Variants in AGBL4 observed in about 807,000 individuals in gnomAD.
The protein encoded by AGBL4 is cytosolic carboxypeptidase 6.
In AGBL4, 58 loss-of-function variants were observed where a neutral mutation model predicts 66.4. The observed-to-expected ratio is 0.87, with a 90% CI of 0.71 to 1.09. AGBL4 has a LOEUF of 1.09. AGBL4 is among the 50% of genes least tolerant of loss of function. The pLI, the probability that AGBL4 is intolerant of heterozygous loss-of-function variation, is 0.00. For missense variants in AGBL4, 579 were observed against 631.0 expected (o/e 0.92, Z 0.88); for synonymous variants, 234 against 222.9 (o/e 1.05, Z -0.44).
intron 3 of AGBL4, among the ~76,000 whole-genome samples, chr1:49,573,168 G>C (rs1180207579): frequency 6.6e-6 from 1 of 151,432 alleles, no homozygotes; most frequent in African/African-American, 2.4e-5. Flanking sequence ...GTGTGTGTGT[G>C]TGTGTGTGTG....
chr1:49,513,893 A>C (rs1324933346), intron 3 of AGBL4, among the ~76,000 whole-genome samples: 1 of 151,978 alleles, frequency 6.6e-6, no homozygotes, highest in African/African-American at 2.4e-5. Flanking sequence ...CAGGGTTGCT[A>C]TATACAGTTA....
chr1:49,758,031 C>T (rs1207393222), intron 2 of AGBL4, among the ~76,000 whole-genome samples: 1 of 152,142 alleles, frequency 6.6e-6, no homozygotes, highest in Non-Finnish European at 1.5e-5. Flanking sequence ...ATCCCCAGCT[C>T]TGTACAGCCT....
chr1:48,987,014 C>T (rs755686494), intron 5 of AGBL4, among the ~76,000 whole-genome samples: 2 of 151,764 alleles, frequency 1.3e-5, no homozygotes, highest in Non-Finnish European at 1.5e-5. Context: ...AACTCTTATA[C>T]AGCTAGTATC....
chr1:49,572,010 A>G lies in AGBL4; in HGVS notation c.282+125303T>C, dbSNP rs558632126. ...ATTTTTGTGTCTATGTTGATCTAGA[A>G]TATTAATCTACAGTTTTCTTTTTAT... On this transcript the variant is annotated intron_variant, in intron 3 of 13. Coordinates refer to ENST00000371839, the MANE Select transcript of AGBL4 (RefSeq NM_032785.4). 7.2e-5 allele frequency among the ~76,000 whole-genome samples: 11 copies of G among 152,260 alleles called. No individual in the cohort carries two copies. In the East Asian group the frequency reaches 1.9e-3, roughly 27 times the overall value.
chr1:49,338,122 A>G (rs944219133), intron 3 of AGBL4, among the ~76,000 whole-genome samples: 14 of 152,252 alleles, frequency 9.2e-5, no homozygotes, highest in Non-Finnish European at 1.5e-4. Context: ...CTGTCTTTAA[A>G]AAGCTTAGAG....
intron 4 of AGBL4, among the ~76,000 whole-genome samples, chr1:49,174,304 A>T (rs1646792584): frequency 6.6e-6 from 1 of 152,148 alleles, no homozygotes; most frequent in African/African-American, 2.4e-5. Flanking sequence ...TCAGGAGAAA[A>T]GATAGCCTTA....
chr1:49,604,174 C>A (rs1645020892), intron 3 of AGBL4, among the ~76,000 whole-genome samples: 2 of 152,194 alleles, frequency 1.3e-5, no homozygotes, highest in South Asian at 4.1e-4. Flanking sequence ...AGAGGCTGTA[C>A]TAATTTACAC....
chr1:48,887,090 G>A (rs1162244854), intron 5 of AGBL4, among the ~76,000 whole-genome samples: 2 of 152,180 alleles, frequency 1.3e-5, no homozygotes, highest in Non-Finnish European at 2.9e-5. Flanking sequence ...ATTTCTCAAG[G>A]TGGAGAAAGG....
chr1:49,014,708 C>T (rs534940646), intron 5 of AGBL4, among the ~76,000 whole-genome samples: 2 of 152,326 alleles, frequency 1.3e-5, no homozygotes, highest in South Asian at 4.1e-4. Context: ...AGCCCACATG[C>T]AGTCCCACCC....
rs1160985800 is a variant in AGBL4 at position 48,736,700 on chromosome 1, T to C, written c.635-73459A>G. On this transcript the variant is annotated intron_variant, in intron 6 of 13. Transcript: ENST00000371839. The surrounding 1 kb of genome is among the most constrained non-coding windows in gnomAD (Gnocchi z 4.0). ...TGGCAATTGTGGATAGAAGGCATTA[T>C]AACACCATTTTCCTTTCAGATGGAA... 6.6e-6 allele frequency among the ~76,000 whole-genome samples: 1 copy of C among 152,204 alleles called. No homozygotes were observed. Among genetic ancestry groups the C allele is most frequent in the African/African-American group, 2.4e-5 (1 of 41,446 alleles).
rs1321404802 is a variant in AGBL4, at chr1:49,851,462, G to A, written c.91C>T (p.Leu31Phe). ...GGCTGTCCACAATAGCCAGTTGGAA[G>A]CACTATATATTTGCTCACATTCCCT... ...IGGNVSKYIVLPTGYCGQPKK... is the reference protein window; with the variant it reads ...IGGNVSKYIVFPTGYCGQPKK... The change falls in exon 2 of 14, where the codon CTT becomes TTT. Residue 31 changes from leucine to phenylalanine, a missense_variant. Leu to Phe is a conservative substitution (Grantham distance 22, BLOSUM62 0). Transcript: ENST00000371839. 1 of 1,550,182 alleles carries A rather than the reference G, an allele frequency of 6.5e-7. No homozygotes were observed. Among genetic ancestry groups the A allele is most frequent in the Admixed American group, 2.0e-5 (1 of 50,868 alleles).
At chr1:48,798,992 T>A (rs1645752255) in intron 6 of AGBL4, among the ~76,000 whole-genome samples, 1 of 152,216 alleles carries the variant, frequency 6.6e-6, no homozygotes, top group African/African-American at 2.4e-5. Context: ...TTGCTTTGAC[T>A]ACGCAGGCTC....
chr1:49,598,734 T>C (rs559332300), intron 3 of AGBL4, among the ~76,000 whole-genome samples: 1 of 152,288 alleles, frequency 6.6e-6, no homozygotes, highest in Non-Finnish European at 1.5e-5. Flanking sequence ...GGAGAACCAC[T>C]GCTCTCTTCA....
rs1337654828 is a variant in AGBL4, at chr1:49,748,793, C to T, written c.158-51356G>A. Among the ~76,000 whole-genome samples the T allele has an allele frequency of 2.6e-5, 4 of 152,164 alleles. No individual in the cohort carries two copies. The East Asian group carries it at 5.8e-4, about 22-fold the overall frequency. On this transcript the variant is annotated intron_variant, in intron 2 of 13. Transcript: ENST00000371839. ...CTTTTTTTCACATGTTTGTTGGCTG[C>T]ATAAATGTCTTCTTTTGAGAAGTGT...
At chr1:49,733,489 G>A (rs536895783) in intron 2 of AGBL4, among the ~76,000 whole-genome samples, 1 of 152,288 alleles carries the variant, frequency 6.6e-6, no homozygotes, top group African/African-American at 2.4e-5. Flanking sequence ...CACAGGCTGG[G>A]TGGCTTGAAC....
chr1:49,501,751 T>C (rs909125064), intron 3 of AGBL4, among the ~76,000 whole-genome samples: 4 of 152,034 alleles, frequency 2.6e-5, no homozygotes, highest in African/African-American at 9.6e-5. Context: ...TTTATTACTA[T>C]AAACTTCTCT....
At chr1:48,840,027 A>G (rs1418431379) in intron 6 of AGBL4, among the ~76,000 whole-genome samples, 2 of 152,158 alleles carry the variant, frequency 1.3e-5, no homozygotes, top group African/African-American at 4.8e-5. Flanking sequence ...GAGGGTATAT[A>G]GCTGCTCTTT....
intron 5 of AGBL4, among the ~76,000 whole-genome samples, chr1:49,015,153 C>G (rs559497789): frequency 2.0e-5 from 3 of 152,254 alleles, no homozygotes; most frequent in African/African-American, 7.2e-5. Context: ...ATGTTTCACT[C>G]TGGCATCCAC....
intron 4 of AGBL4, among the ~76,000 whole-genome samples, chr1:49,130,987 T>A (rs1557666445): frequency 6.6e-6 from 1 of 152,154 alleles, no homozygotes; most frequent in Non-Finnish European, 1.5e-5. Context: ...GTAGCTTTAT[T>A]CTTTAATGAA....
Sources: gnomAD v4.1 joint callset for allele counts (sites outside exome capture counted in the v4.1 genomes callset) on GRCh38, gnomAD v4.1.1 for gene constraint, Gnocchi (gnomAD v3.1) non-coding constraint, MANE v1.5 for transcripts, NCBI Gene and HGNC (gene_info 2026-07-23, HGNC 2026-07-21) for gene names.